SIPA1L3: variants seen among roughly 807,000 people sequenced by gnomAD.
The protein encoded by SIPA1L3 is signal-induced proliferation-associated 1-like protein 3.
A neutral mutation model predicts 150.1 loss-of-function variants in SIPA1L3; 59 were observed. The observed-to-expected ratio is 0.39, with a 90% CI of 0.32 to 0.49. The LOEUF is 0.49. Ranked by LOEUF, SIPA1L3 falls within the 20% of genes least tolerant of loss-of-function variation. The pLI is 0.86. For missense variants in SIPA1L3, 2,211 were observed against 2,489.5 expected, an observed-to-expected ratio of 0.89 and a Z score of 2.38; for synonymous variants, 1,070 against 1,077.6, an observed-to-expected ratio of 0.99 and a Z score of 0.14.
chr19:38,160,315 A>G (rs948789850), intron 13 of SIPA1L3, among the ~76,000 whole-genome samples: 1 of 145,390 alleles, frequency 6.9e-6, no homozygotes, highest in South Asian at 2.2e-4. Flanking sequence ...CACCTGGCCA[A>G]TTTTTTTTTA....
chr19:38,204,991 A>G (rs929502942), intron 21 of SIPA1L3, among the ~76,000 whole-genome samples: 1 of 152,222 alleles, frequency 6.6e-6, no homozygotes, highest in African/African-American at 2.4e-5. Flanking sequence ...TAACAAATCT[A>G]TATATTTACT....
chr19:38,118,594 C>T (rs1184763270), intron 8 of SIPA1L3, among the ~76,000 whole-genome samples: 11 of 151,812 alleles, frequency 7.2e-5, no homozygotes, highest in Non-Finnish European at 1.5e-4. Context: ...AGTGCAGTGG[C>T]GCCATCTTGG....
intron 15 of SIPA1L3, among the ~76,000 whole-genome samples, chr19:38,175,936 T>C (rs58352573): frequency 0.084 from 12,776 of 151,806 alleles, 1,521 homozygotes; most frequent in African/African-American, 0.26. Context: ...GGCTGGGCGC[T>C]GTGGCTCACG....
intron 8 of SIPA1L3, among the ~76,000 whole-genome samples, chr19:38,111,830 G>A (rs1469980978): frequency 6.6e-6 from 1 of 152,234 alleles, no homozygotes; most frequent in Non-Finnish European, 1.5e-5. Flanking sequence ...CCTTTTTGGG[G>A]TTGAGGACCC....
chr19:38,203,118 G>C (rs1973125791), intron 20 of SIPA1L3, among the ~76,000 whole-genome samples: 1 of 152,154 alleles, frequency 6.6e-6, no homozygotes, highest in Non-Finnish European at 1.5e-5. Context: ...TTGACTTCTT[G>C]CTTTTCACAC....
At chr19:38,024,148 AG>A (rs1454290962) in intron 1 of SIPA1L3, among the ~76,000 whole-genome samples, 3 of 152,132 alleles carry the variant, frequency 2.0e-5, no homozygotes, top group Non-Finnish European at 4.4e-5. Context: ...GGAACAAGAA[AG>A]GGCAGGTGCT....
intron 9 of SIPA1L3, among the ~76,000 whole-genome samples, chr19:38,120,298 CAAA>C (rs10707316): frequency 1.0e-4 from 14 of 135,644 alleles, no homozygotes; most frequent in Admixed American, 2.2e-4. Context: ...ACTCTGCCTA[CAAA>C]AAAAAAAAAA....
intron 13 of SIPA1L3, among the ~76,000 whole-genome samples, chr19:38,156,938 G>A (rs963959782): frequency 6.6e-6 from 1 of 152,140 alleles, no homozygotes; most frequent in Non-Finnish European, 1.5e-5. Context: ...TGAGGTGGGA[G>A]GATTGCTTGA....
At chr19:38,001,026 CACATATATCACACATATATCACACAT>C (rs1033105250) in intron 1 of SIPA1L3, among the ~76,000 whole-genome samples, 3 of 149,678 alleles carry the variant, frequency 2.0e-5, no homozygotes. Flanking sequence ...ATATATCACA[CACATATATCACACATATATCACACAT>C]ATATATATAT....
Position 38,140,031 on chromosome 19 carries a change from G to A in SIPA1L3, c.3144-1153G>A, listed in dbSNP as rs183687889. On this transcript the variant is annotated intron_variant, in intron 10 of 21. Coordinates refer to ENST00000222345, the MANE Select transcript of SIPA1L3 (RefSeq NM_015073.3). The stretch of plus-strand genomic sequence containing the variant: ...GTTAAGTTTCCAACACGTGACTTTT[G>A]GGGGAACACACATCCAGACCATAGC... Among the ~76,000 whole-genome samples, 892 of 152,296 alleles carry A rather than the reference G, an allele frequency of 5.9e-3. 8 individuals are homozygous for A. The highest frequency in any genetic ancestry group is 0.02 in the African/African-American group (840 of 41,552).
chr19:38,128,262 TAGTA>T (rs1971225017), intron 9 of SIPA1L3, among the ~76,000 whole-genome samples: 1 of 151,910 alleles, frequency 6.6e-6, no homozygotes, highest in Non-Finnish European at 1.5e-5. Context: ...GGTTCTGCCG[TAGTA>T]ATAGGATGGG....
intron 16 of SIPA1L3, among the ~76,000 whole-genome samples, chr19:38,191,639 C>T (rs1016242445): frequency 1.3e-5 from 2 of 152,052 alleles, no homozygotes; most frequent in Non-Finnish European, 2.9e-5. Flanking sequence ...ATGGAGAAAC[C>T]CTGTCTCTAC....
intron 1 of SIPA1L3, among the ~76,000 whole-genome samples, chr19:37,990,043 G>A (rs1054774508): frequency 3.3e-5 from 5 of 152,096 alleles, no homozygotes; most frequent in African/African-American, 9.7e-5. Context: ...CATATTTAGG[G>A]TTTCACCTGG....
chr19:38,035,828 T>G (rs1270691937), intron 2 of SIPA1L3, among the ~76,000 whole-genome samples: 2 of 151,978 alleles, frequency 1.3e-5, no homozygotes, highest in African/African-American at 4.8e-5. Context: ...TTACTGCATG[T>G]TGGAGGTTAG....
At chr19:38,015,936 C>CT (rs1968222373) in intron 1 of SIPA1L3, among the ~76,000 whole-genome samples, 1 of 152,094 alleles carries the variant, frequency 6.6e-6, no homozygotes, top group Non-Finnish European at 1.5e-5. Context: ...TCTTGCTGAA[C>CT]TTGCATGCAT....
At chr19:37,991,832 G>C (rs574833684) in intron 1 of SIPA1L3, among the ~76,000 whole-genome samples, 220 of 152,320 alleles carry the variant, frequency 1.4e-3, no homozygotes, top group African/African-American at 5.0e-3. Flanking sequence ...GGAGTTGGGT[G>C]TGAGGCTGTG....
chr19:38,199,470 G>A lies in SIPA1L3; in HGVS notation c.4984+938G>A, dbSNP rs1226825205. Reference sequence around the variant, plus strand: ...CGCTCCGTGTGCCTGGCATGCCTGGGAGCTGTGCGCCCCATGTGAGAAAGC... The same window carrying A: ...CGCTCCGTGTGCCTGGCATGCCTGGAAGCTGTGCGCCCCATGTGAGAAAGC... On this transcript the variant is annotated intron_variant, in intron 19 of 21. Coordinates refer to ENST00000222345, the MANE Select transcript of SIPA1L3 (RefSeq NM_015073.3). 3.3e-5 allele frequency among the ~76,000 whole-genome samples: 5 copies of A among 152,236 alleles called. No homozygotes were observed. The East Asian group carries it at 9.6e-4, about 29-fold the overall frequency.
chr19:37,991,701 C>T (rs1036490395), intron 1 of SIPA1L3, among the ~76,000 whole-genome samples: 11 of 152,348 alleles, frequency 7.2e-5, no homozygotes, highest in Admixed American at 2.6e-4. Context: ...AGGCTCCTTT[C>T]ACTCAAGACA....
intron 1 of SIPA1L3, among the ~76,000 whole-genome samples, chr19:37,946,165 AAATAAT>A (rs941421875): frequency 2.0e-4 from 31 of 151,908 alleles, no homozygotes; most frequent in African/African-American, 7.2e-4. Flanking sequence ...CAAAAAAAAA[AAATAAT>A]AATAATAATA....
Sources: allele counts gnomAD v4.1 joint callset (sites outside exome capture counted in the v4.1 genomes callset), GRCh38; gene constraint gnomAD v4.1.1; transcripts MANE v1.5; gene names NCBI Gene and HGNC (gene_info 2026-07-23, HGNC 2026-07-21).